C8orf34: variants seen among roughly 807,000 people sequenced by gnomAD.
C8orf34 encodes chromosome 8 open reading frame 34.
Under a neutral mutation model 68.3 loss-of-function variants are expected in C8orf34, and 65 were observed. The ratio of observed to expected loss-of-function variants is 0.95; its 90% CI spans 0.78 to 1.17. C8orf34 has a LOEUF of 1.17. Ranked by LOEUF, C8orf34 falls within the 50% of genes most tolerant of loss-of-function variation. The pLI is 0.00. For synonymous variants in C8orf34, 244 were observed against 241.2 expected, an observed-to-expected ratio of 1.01 and a Z score of -0.11; for missense variants, 664 against 655.4, an observed-to-expected ratio of 1.01 and a Z score of -0.14.
intron 10 of C8orf34, among the ~76,000 whole-genome samples, chr8:68,774,348 T>TATATATATATATAA (rs1554611611): frequency 6.7e-6 from 1 of 149,084 alleles, no homozygotes; most frequent in African/African-American, 2.5e-5. Flanking sequence ...TATATATATA[T>TATATATATATATAA]AAAATAAACA....
intron 3 of C8orf34, among the ~76,000 whole-genome samples, chr8:68,456,853 T>C (rs1317535041): frequency 3.9e-5 from 6 of 152,226 alleles, no homozygotes; most frequent in Non-Finnish European, 8.8e-5. Flanking sequence ...ATAGATAAGA[T>C]AAGCATGATT....
intron 7 of C8orf34, among the ~76,000 whole-genome samples, chr8:68,601,890 G>A (rs1266448192): frequency 6.6e-6 from 1 of 152,164 alleles, no homozygotes; most frequent in Non-Finnish European, 1.5e-5. Context: ...TCCCTGTTTA[G>A]GAATAGCACA....
intron 8 of C8orf34, among the ~76,000 whole-genome samples, chr8:68,686,997 A>G (rs1820538489): frequency 6.6e-6 from 1 of 152,050 alleles, no homozygotes; most frequent in Non-Finnish European, 1.5e-5. Context: ...CAAATCGAGG[A>G]CTCAACCCCC....
intron 2 of C8orf34, 69 bp downstream of exon 2, chr8:68,439,715 A>C: frequency 2.1e-6 from 3 of 1,453,192 alleles, no homozygotes; most frequent in Non-Finnish European, 2.8e-6. Context: ...ACTCTTTTTG[A>C]TACTAATAAG....
chr8:68,536,149 G>T (rs1815458203), intron 7 of C8orf34, among the ~76,000 whole-genome samples: 1 of 151,906 alleles, frequency 6.6e-6, no homozygotes, highest in Admixed American at 6.6e-5. Flanking sequence ...GGGAGGCTGA[G>T]GTGGGTGGAT....
chr8:68,482,415 C>G (rs925709726), intron 4 of C8orf34, among the ~76,000 whole-genome samples: 8 of 152,112 alleles, frequency 5.3e-5, no homozygotes, highest in African/African-American at 1.7e-4. Context: ...AATTAGCAGT[C>G]TATATAAAGG....
intron 8 of C8orf34, chr8:68,695,704 T>A (rs1009488780): frequency 6.6e-6 from 1 of 152,046 alleles, no homozygotes; most frequent in Non-Finnish European, 1.5e-5. Context: ...CTAAGCAAGG[T>A]TGAGCCTGTT....
chr8:68,460,224 A>C (rs976246619), intron 3 of C8orf34, among the ~76,000 whole-genome samples: 3 of 152,196 alleles, frequency 2.0e-5, no homozygotes, highest in African/African-American at 7.2e-5. Context: ...GCAAGGCAGC[A>C]GCGAGGCTGG....
At chr8:68,735,032 T>A (rs1440953458) in intron 10 of C8orf34, among the ~76,000 whole-genome samples, 2 of 152,184 alleles carry the variant, frequency 1.3e-5, no homozygotes, top group Non-Finnish European at 1.5e-5. Context: ...AACCCCTTTG[T>A]GAGGTAAGTT....
At chr8:68,431,304 C>T (rs954081534) in intron 1 of C8orf34, among the ~76,000 whole-genome samples, 2 of 152,118 alleles carry the variant, frequency 1.3e-5, no homozygotes, top group Non-Finnish European at 2.9e-5. Context: ...TGATAAAAGG[C>T]TAAAATAAAG....
chr8:68,395,866 A>C (rs1808683381), intron 1 of C8orf34, among the ~76,000 whole-genome samples: 1 of 152,092 alleles, frequency 6.6e-6, no homozygotes, highest in South Asian at 2.1e-4. Context: ...ATTCTATCTG[A>C]AGTGTTCAAT....
intron 10 of C8orf34, among the ~76,000 whole-genome samples, chr8:68,733,000 G>T (rs966407550): frequency 6.6e-6 from 1 of 152,048 alleles, no homozygotes; most frequent in Admixed American, 6.5e-5. Context: ...GGAGGCGGAG[G>T]TTGCAGTGAG....
chr8:68,387,142 G>A (rs764531321), intron 1 of C8orf34, among the ~76,000 whole-genome samples: 6 of 152,062 alleles, frequency 3.9e-5, no homozygotes, highest in Non-Finnish European at 8.8e-5. Context: ...GAAGGTGAAA[G>A]GTGGTGATGG....
chr8:68,386,130 T>C (rs2676650), intron 1 of C8orf34, among the ~76,000 whole-genome samples: 18,099 of 152,126 alleles, frequency 0.12, 1,134 homozygotes, highest in African/African-American at 0.15. Context: ...TGATCTTGAA[T>C]GCCTGGGCTT....
At chr8:68,744,120 G>A (rs1180610583) in intron 10 of C8orf34, among the ~76,000 whole-genome samples, 1 of 152,182 alleles carries the variant, frequency 6.6e-6, no homozygotes, top group Non-Finnish European at 1.5e-5. Context: ...CCCAGCAGGG[G>A]CAGACTGACA....
intron 5 of C8orf34, among the ~76,000 whole-genome samples, chr8:68,498,686 A>G (rs926780368): frequency 1.3e-5 from 2 of 152,176 alleles, no homozygotes; most frequent in Non-Finnish European, 2.9e-5. Context: ...AAATATATAT[A>G]ATGTAAGGTC....
At position 68,468,829 on chromosome 8, in the gene C8orf34, AT is replaced by A; in HGVS notation, c.736+12del. On this transcript the variant is annotated intron_variant, in intron 4 of 13. Coordinates refer to ENST00000518698, the MANE Select transcript of C8orf34 (RefSeq NM_052958.4). ...TGAGAATCTCTCTCGAAGTAAGTTC[AT>A]TTACTTGATTATAATTGAAACTCCT... 6.2e-7 allele frequency: 1 copy of A among 1,605,544 alleles called. No homozygotes were observed. The highest frequency in any genetic ancestry group is 8.5e-7 in the Non-Finnish European group (1 of 1,176,834).
intron 9 of C8orf34, among the ~76,000 whole-genome samples, chr8:68,719,561 C>T (rs1821609247): frequency 6.6e-6 from 1 of 151,734 alleles, no homozygotes; most frequent in African/African-American, 2.4e-5. Flanking sequence ...ACAGTGCTTG[C>T]CATATAGTAT....
In C8orf34 at chr8:68,343,382, C is replaced by T. The variant is rs140939825; in HGVS notation, c.327+12043C>T. The stretch of plus-strand genomic sequence containing the variant: ...GTGAGAATATAAAATGGTCCAATCA[C>T]TCTGGAAAACACTTTGACAAATTAT... On this transcript the variant is annotated intron_variant, in intron 1 of 13. Transcript: ENST00000518698. Among the ~76,000 whole-genome samples, 24 of 152,136 alleles carry T rather than the reference C, an allele frequency of 1.6e-4. No homozygotes were observed. In the East Asian group the frequency reaches 4.5e-3, roughly 28 times the overall value.
Sources: allele counts gnomAD v4.1 joint callset (sites outside exome capture counted in the v4.1 genomes callset), GRCh38; gene constraint gnomAD v4.1.1; transcripts MANE v1.5; gene names NCBI Gene and HGNC (gene_info 2026-07-23, HGNC 2026-07-21).